The following GTSE1 variants were observed in gnomAD, a reference collection of about 807,000 sequenced individuals.
GTSE1 encodes the protein G2 and S-phase expressed 1.
Under a neutral mutation model 60.5 loss-of-function variants are expected in GTSE1, and 52 were observed. The ratio of observed to expected loss-of-function variants is 0.86; its 90% CI spans 0.69 to 1.08. The LOEUF is 1.08. Among genes scored for constraint, GTSE1 ranks in the 50% least tolerant of loss-of-function variants. The pLI, the probability that GTSE1 is intolerant of heterozygous loss-of-function variation, is 0.00. For synonymous variants in GTSE1, 368 were observed against 386.5 expected, an observed-to-expected ratio of 0.95 and a Z score of 0.56; for missense variants, 937 against 961.8, an observed-to-expected ratio of 0.97 and a Z score of 0.34.
In GTSE1 at chr22:46,303,163, G is replaced by A. The variant is rs572365577; in HGVS notation, c.80-4987G>A. ...GATCCACCCTCCTCGGCCTCCCAAA[G>A]TGCTGGGATTACAGATGTGAGCCAC... On this transcript the variant is annotated intron_variant, in intron 2 of 11. Transcript: ENST00000454366. 4.5e-4 allele frequency among the ~76,000 whole-genome samples: 69 copies of A among 152,198 alleles called. 1 individual carries two copies. The highest frequency in any genetic ancestry group is 2.5e-3 in the South Asian group (12 of 4,816).
Position 46,313,800 on chromosome 22 carries a change from C to A in GTSE1, c.928-90C>A. The A allele has an allele frequency of 1.4e-6, 2 of 1,475,346 alleles. No homozygotes were observed. The highest frequency in any genetic ancestry group is 1.2e-5 in the South Asian group (1 of 86,010). The allele number at this position is 1,475,346 out of a possible 1,614,324, so 91.4% of individuals were successfully genotyped here. A position where few individuals can be genotyped will look rare whatever the true frequency, so the allele number is the denominator to read the frequency against. On this transcript the variant is annotated intron_variant, in intron 5 of 11. Coordinates refer to ENST00000454366, the MANE Select transcript of GTSE1 (RefSeq NM_016426.7). This position sits in a 1 kb window ranked among gnomAD's most constrained non-coding sequence, Gnocchi z 4.4. The stretch of plus-strand genomic sequence containing the variant: ...GGGATTACAGGCGTGAGCCACCGTG[C>A]CCAGCCAAAAACCCCTTACTTTTGC...
chr22:46,312,748 C>T (rs2077756285), intron 5 of GTSE1, among the ~76,000 whole-genome samples: 1 of 152,126 alleles, frequency 6.6e-6, no homozygotes, highest in Admixed American at 6.6e-5. Flanking sequence ...GATGGCTAGC[C>T]TCTGCCCTGG....
chr22:46,313,895 G>T lies in GTSE1; in HGVS notation c.933G>T (p.Gly311=). The T allele has an allele frequency of 1.9e-6, 3 of 1,614,122 alleles. No homozygotes were observed. The highest frequency in any genetic ancestry group is 2.5e-6 in the Non-Finnish European group (3 of 1,179,950). ...TTTTTCACATTTTGCCCCAGTTGGGGCTGAAGAAGACCCTGTTAAAAGCAC... is the reference window on the plus strand; with the variant it reads ...TTTTTCACATTTTGCCCCAGTTGGGTCTGAAGAAGACCCTGTTAAAAGCAC... The part of the protein sequence containing the change: ...KRAIPVPNKL[G]LKKTLLKAPG... The change falls in exon 6 of 12, where the codon GGG becomes GGT. Residue 311 remains glycine (G), a synonymous_variant. Transcript: ENST00000454366. The surrounding 1 kb of genome is among the most constrained non-coding windows in gnomAD (Gnocchi z 4.4).
At position 46,313,591 on chromosome 22, in the gene GTSE1, C is replaced by T. The variant is rs1267638825; in HGVS notation, c.928-299C>T. 6.6e-6 allele frequency among the ~76,000 whole-genome samples: 1 copy of T among 152,248 alleles called. No homozygotes were observed. The highest frequency in any genetic ancestry group is 1.5e-5 in the Non-Finnish European group (1 of 68,046). ...TGGCACGAGCTCAGCTCACTACAACCTCCACCTCCCGGGTTCAAGCAATTC... is the reference window on the plus strand; with the variant it reads ...TGGCACGAGCTCAGCTCACTACAACTTCCACCTCCCGGGTTCAAGCAATTC... On this transcript the variant is annotated intron_variant, in intron 5 of 11. Transcript: ENST00000454366. The surrounding 1 kb of genome is among the most constrained non-coding windows in gnomAD (Gnocchi z 4.4).
chr22:46,327,679 G>A (rs2077851837), intron 9 of GTSE1, among the ~76,000 whole-genome samples: 1 of 151,942 alleles, frequency 6.6e-6, no homozygotes, highest in African/African-American at 2.4e-5. Context: ...TCAAAAAAAC[G>A]AAAAACAAAA....
chr22:46,297,241 C>T lies in GTSE1; in HGVS notation c.-21-139C>T, dbSNP rs1476800330. On this transcript the variant is annotated intron_variant, in intron 1 of 11. Transcript: ENST00000454366. The surrounding 1 kb of genome is among the most constrained non-coding windows in gnomAD (Gnocchi z 4.9). Reference sequence around the variant, plus strand: ...GGGGTCCCCTGGGATGCGATCATTTCAGAGCGGCCCCCGCGCCGCCTCTCC... The same window carrying T: ...GGGGTCCCCTGGGATGCGATCATTTTAGAGCGGCCCCCGCGCCGCCTCTCC... The T allele has an allele frequency of 6.2e-6, 4 of 640,900 alleles. No individual in the cohort carries two copies. In the African/African-American group the frequency reaches 7.3e-5, roughly 12 times the overall value. 39.7% of individuals were successfully genotyped at this position (640,900 alleles called of 1,614,324 possible).
Position 46,304,849 on chromosome 22 carries a change from C to T in GTSE1, c.80-3301C>T, listed in dbSNP as rs141914701. ...CAAATATTAGCCAGGGATGGTTGTG[C>T]GTGCCTGTAGTCCCAGCTACTCGGG... On this transcript the variant is annotated intron_variant, in intron 2 of 11. Transcript: ENST00000454366. This position sits in a 1 kb window ranked among gnomAD's most constrained non-coding sequence, Gnocchi z 4.4. Among the ~76,000 whole-genome samples the T allele has an allele frequency of 0.023, 3,503 of 152,236 alleles. 137 individuals are homozygous for T. The highest frequency in any genetic ancestry group is 0.078 in the African/African-American group (3,248 of 41,508).
At chr22:46,312,017 G>A (rs2077751215) in intron 4 of GTSE1, 124 bp from the exon 5 acceptor site, 1 of 727,880 alleles carries the variant, frequency 1.4e-6, no homozygotes, top group Non-Finnish European at 2.3e-6. Flanking sequence ...TCTGGCTGAT[G>A]AATGGAGGGG....
rs985032363 is a variant in GTSE1, at chr22:46,318,495, G to A, written c.1432+2083G>A. ...GAAATGTTATCAGATGAGCAGGCCT[G>A]CAGATCCTAGCACAACAAAGGGACT... On this transcript the variant is annotated intron_variant, in intron 7 of 11. Coordinates refer to ENST00000454366, the MANE Select transcript of GTSE1 (RefSeq NM_016426.7). The surrounding 1 kb of genome is among the most constrained non-coding windows in gnomAD (Gnocchi z 4.8). 2.0e-5 allele frequency among the ~76,000 whole-genome samples: 3 copies of A among 152,192 alleles called. No homozygotes were observed. The highest frequency in any genetic ancestry group is 7.2e-5 in the African/African-American group (3 of 41,430).
rs1427701164 is a variant in GTSE1, at chr22:46,316,944, TTTTC to T, written c.1432+544_1432+547del. Among the ~76,000 whole-genome samples, 1 of 152,032 alleles carries T rather than the reference TTTTC, an allele frequency of 6.6e-6. No homozygotes were observed. Among genetic ancestry groups the T allele is most frequent in the Non-Finnish European group, 1.5e-5 (1 of 67,988 alleles). On this transcript the variant is annotated intron_variant, in intron 7 of 11. Transcript: ENST00000454366. The surrounding 1 kb of genome is among the most constrained non-coding windows in gnomAD (Gnocchi z 5.0). Reference sequence around the variant, plus strand: ...TTTTTTCTTTTTCTTATCTTTTTTCTTTTCTTTCTTTCTTTTTTTTTGTTTTTTG... The same window carrying T: ...TTTTTTCTTTTTCTTATCTTTTTTCTTTTCTTTCTTTTTTTTTGTTTTTTG...
rs762559937 is a variant in GTSE1 at position 46,312,188 on chromosome 22, T to G, written c.810T>G (p.Ala270=). The change falls in exon 5 of 12, where the codon GCT becomes GCG. Residue 270 remains alanine (A), a synonymous_variant. Transcript: ENST00000454366. ...GTCCTTCCAGGACAAAAATCCCAGC[T>G]GAGAAGGAATCCCACCGGGATGTTC... ...PASPSRTKIP[A]EKESHRDVLP... The G allele has an allele frequency of 9.9e-6, 16 of 1,613,812 alleles. No homozygotes were observed. The highest frequency in any genetic ancestry group is 1.7e-5 in the Admixed American group (1 of 59,938).
At chr22:46,302,603 C>A (rs1601899512) in intron 2 of GTSE1, among the ~76,000 whole-genome samples, 1 of 152,124 alleles carries the variant, frequency 6.6e-6, no homozygotes, top group African/African-American at 2.4e-5. Flanking sequence ...CTCAAGCGTT[C>A]CTCCCACCTC....
rs2077731413 is a variant in GTSE1 at position 46,308,767 on chromosome 22, C to T, written c.586C>T (p.Gln196Ter). Residue 196 changes from glutamine to a stop codon, truncating the protein, a stop_gained, in exon 4 of 12, where the codon CAG (glutamine) becomes TAG (stop). Transcript: ENST00000454366. LOFTEE classifies it high-confidence loss of function. ...SSPALPSSGA[Q>*]ARLTRAPGPP... ...CCCGGCCCTGCCCAGCTCTGGTGCC[C>T]AGGCCCGCCTCACCCGGGCGCCGGG... is the stretch of plus-strand genomic sequence containing the variant. 1 of 1,613,082 alleles carries T rather than the reference C, an allele frequency of 6.2e-7. No homozygotes were observed. Among genetic ancestry groups the T allele is most frequent in the Middle Eastern group, 1.7e-4 (1 of 6,060 alleles).
rs371712512 is a variant in GTSE1 at position 46,319,581 on chromosome 22, GAGGCCACTT to G, written c.1432+3174_1432+3182del. On this transcript the variant is annotated intron_variant, in intron 7 of 11. Transcript: ENST00000454366. The surrounding 1 kb of genome is among the most constrained non-coding windows in gnomAD (Gnocchi z 5.0). The stretch of plus-strand genomic sequence containing the variant: ...CCCATTTTGGAAGTAGTGAGGGTGA[GAGGCCACTT>G]AGGCTGCAGCTGAGGGGTGGAGCAG... Among the ~76,000 whole-genome samples, 1,780 of 152,274 alleles carry G rather than the reference GAGGCCACTT, an allele frequency of 0.012. 42 individuals are homozygous for G. The highest frequency in any genetic ancestry group is 0.041 in the African/African-American group (1,682 of 41,522).
At chr22:46,322,552 G>T (rs911403202) in intron 7 of GTSE1, among the ~76,000 whole-genome samples, 1 of 152,180 alleles carries the variant, frequency 6.6e-6, no homozygotes. Context: ...GTGTCTGGGG[G>T]CGTGGTGGCG....
At chr22:46,299,587 C>G (rs2077677410) in intron 2 of GTSE1, among the ~76,000 whole-genome samples, 1 of 152,210 alleles carries the variant, frequency 6.6e-6, no homozygotes, top group Admixed American at 6.5e-5. Flanking sequence ...TATCCTGAAT[C>G]CATCTACAGA....
chr22:46,328,829 T>C lies in GTSE1; in HGVS notation c.1866T>C (p.Ser622=), dbSNP rs2077859263. ...AAAGCGATTCTACTTTCTCCAAAAGTACTGCCACAGAAGTAGCTCGGGAGG... is the reference window on the plus strand; with the variant it reads ...AAAGCGATTCTACTTTCTCCAAAAGCACTGCCACAGAAGTAGCTCGGGAGG... ...PEESDSTFSK[S]TATEVAREEA... is the part of the protein sequence containing the mutation. The change falls in exon 10 of 12, where the codon AGT becomes AGC. Residue 622 remains serine (S), a synonymous_variant. Transcript: ENST00000454366. 1 of 1,613,948 alleles carries C rather than the reference T, an allele frequency of 6.2e-7. No homozygotes were observed. The highest frequency in any genetic ancestry group is 1.3e-5 in the African/African-American group (1 of 74,910).
Position 46,318,490 on chromosome 22 carries a change from G to C in GTSE1, c.1432+2078G>C, listed in dbSNP as rs2077793499. On this transcript the variant is annotated intron_variant, in intron 7 of 11. Coordinates refer to ENST00000454366, the MANE Select transcript of GTSE1 (RefSeq NM_016426.7). The surrounding 1 kb of genome is among the most constrained non-coding windows in gnomAD (Gnocchi z 4.8). Reference sequence around the variant, plus strand: ...GATACGAAATGTTATCAGATGAGCAGGCCTGCAGATCCTAGCACAACAAAG... The same window carrying C: ...GATACGAAATGTTATCAGATGAGCACGCCTGCAGATCCTAGCACAACAAAG... 6.6e-6 allele frequency among the ~76,000 whole-genome samples: 1 copy of C among 152,182 alleles called. No homozygotes were observed. Among genetic ancestry groups the C allele is most frequent in the Non-Finnish European group, 1.5e-5 (1 of 68,030 alleles).
intron 9 of GTSE1, 51 bp from the exon 10 acceptor site, chr22:46,328,637 T>C: frequency 1.4e-6 from 2 of 1,426,708 alleles, no homozygotes; most frequent in Non-Finnish European, 2.0e-6. Flanking sequence ...ATCAGCCAAG[T>C]GAACGAGCAT....
Sources: gnomAD v4.1 joint callset for allele counts (sites outside exome capture counted in the v4.1 genomes callset) on GRCh38, gnomAD v4.1.1 for gene constraint, Gnocchi (gnomAD v3.1) non-coding constraint, MANE v1.5 for transcripts, NCBI Gene and HGNC (gene_info 2026-07-23, HGNC 2026-07-21) for gene names.